Variants in EIF2AK2 observed in about 807,000 individuals in gnomAD.
EIF2AK2 encodes eukaryotic translation initiation factor 2 alpha kinase 2, also known as interferon-induced, double-stranded RNA-activated protein kinase.
In EIF2AK2, 40 loss-of-function variants were observed where a neutral mutation model predicts 70.5. The observed-to-expected ratio is 0.57, with a 90% confidence interval of 0.44 to 0.74. The LOEUF is 0.74. Ranked by LOEUF, EIF2AK2 falls within the 30% of genes least tolerant of loss-of-function variation. EIF2AK2 has a pLI of 0.00. For synonymous variants in EIF2AK2, 198 were observed against 220.9 expected, an observed-to-expected ratio of 0.90 and a Z score of 0.92; for missense variants, 555 against 644.3, an observed-to-expected ratio of 0.86 and a Z score of 1.50.
chr2:37,137,286 G>A (rs1215177016), intron 8 of EIF2AK2, among the ~76,000 whole-genome samples: 1 of 152,114 alleles, frequency 6.6e-6, no homozygotes, highest in African/African-American at 2.4e-5. Context: ...TTGCCCATTT[G>A]GGTATCTCTT....
rs377410593 is a variant in EIF2AK2, at chr2:37,107,531, G to GA, written c.1480-5dup. The GA allele has an allele frequency of 2.0e-4, 311 of 1,580,578 alleles. No homozygotes were observed. The highest frequency in any genetic ancestry group is 7.4e-4 in the South Asian group (64 of 86,762). ...CATCCCGTAGGTCTGTGAAAAACTG[G>GA]AAAAAAAAATGATAGGTGTATATTA... On this transcript the variant is annotated splice_polypyrimidine_tract_variant and splice_region_variant and intron_variant, in intron 15 of 16. Transcript: ENST00000233057.
intron 12 of EIF2AK2, among the ~76,000 whole-genome samples, chr2:37,120,374 G>C (rs974309431): frequency 6.6e-6 from 1 of 151,116 alleles, no homozygotes; most frequent in African/African-American, 2.4e-5. Context: ...GCGTGGTGGC[G>C]GGCGCCTGTA....
chr2:37,110,090 T>C (rs1402054555), intron 14 of EIF2AK2, among the ~76,000 whole-genome samples: 2 of 152,038 alleles, frequency 1.3e-5, no homozygotes, highest in African/African-American at 4.8e-5. Flanking sequence ...TTTTTTTTTT[T>C]TGAGACGGAG....
At chr2:37,145,567 A>G (rs1675503196) in intron 4 of EIF2AK2, among the ~76,000 whole-genome samples, 1 of 152,150 alleles carries the variant, frequency 6.6e-6, no homozygotes, top group Non-Finnish European at 1.5e-5. Context: ...AAATTTAAAT[A>G]AAATGAATGT....
At chr2:37,147,170 C>T (rs1270593214) in intron 3 of EIF2AK2, among the ~76,000 whole-genome samples, 197 bp from the exon 4 acceptor site, 1 of 152,210 alleles carries the variant, frequency 6.6e-6, no homozygotes, top group Non-Finnish European at 1.5e-5. Flanking sequence ...CCTCTTTTCT[C>T]TCTGGAGTCA....
chr2:37,111,878 A>AATATAT (rs869140054), intron 14 of EIF2AK2, among the ~76,000 whole-genome samples: 5 of 69,128 alleles, frequency 7.2e-5, no homozygotes, highest in East Asian at 5.1e-4. Flanking sequence ...AAAAAAAAAA[A>AATATAT]ATATATATAT....
At chr2:37,117,978 G>C (rs1674403736) in intron 13 of EIF2AK2, among the ~76,000 whole-genome samples, 1 of 152,192 alleles carries the variant, frequency 6.6e-6, no homozygotes, top group Admixed American at 6.5e-5. Flanking sequence ...AGTAGTGAGA[G>C]CCTGAAAAGT....
intron 12 of EIF2AK2, among the ~76,000 whole-genome samples, chr2:37,121,262 C>CAAAAAAAAAAAAAAAAAAAAAAA (rs70949733): frequency 2.7e-5 from 2 of 72,728 alleles, no homozygotes; most frequent in Non-Finnish European, 2.3e-5. Context: ...GACACCGTCT[C>CAAAAAAAAAAAAAAAAAAAAAAA]AAAAAAAAAA....
chr2:37,140,493 G>A (rs1675290973), intron 5 of EIF2AK2, among the ~76,000 whole-genome samples: 1 of 151,978 alleles, frequency 6.6e-6, no homozygotes, highest in Admixed American at 6.6e-5. Context: ...GGAAGCCATC[G>A]AGAGAAACAC....
chr2:37,114,313 G>A (rs532884925), intron 14 of EIF2AK2, among the ~76,000 whole-genome samples: 1 of 150,880 alleles, frequency 6.6e-6, no homozygotes, highest in Non-Finnish European at 1.5e-5. Flanking sequence ...AACAAAATAA[G>A]AACAACAACA....
chr2:37,115,231 T>G (rs911521995), intron 13 of EIF2AK2: 9 of 205,256 alleles, frequency 4.4e-5, no homozygotes, highest in Non-Finnish European at 7.6e-5. Context: ...TTTTTTTTTT[T>G]TTTTTTTTTT....
chr2:37,153,946 G>T (rs923058585), intron 1 of EIF2AK2, among the ~76,000 whole-genome samples: 1 of 152,196 alleles, frequency 6.6e-6, no homozygotes, highest in Non-Finnish European at 1.5e-5. Context: ...AGCAATGCAC[G>T]AGGGTTCTAA....
chr2:37,137,841 G>A lies in EIF2AK2; in HGVS notation c.687+429C>T, dbSNP rs563050598. 1.2e-4 allele frequency among the ~76,000 whole-genome samples: 19 copies of A among 152,230 alleles called. 1 individual carries two copies. In the South Asian group the frequency reaches 2.9e-3, roughly 23 times the overall value. On this transcript the variant is annotated intron_variant, in intron 8 of 16. Coordinates refer to ENST00000233057, the MANE Select transcript of EIF2AK2 (RefSeq NM_001135651.3). ...GTCAAAAAGCTGCCGAGCCGGGCGC[G>A]GTGGCTCATGCCTGTAATCCCAGCA... is the stretch of plus-strand genomic sequence containing the variant.
chr2:37,140,908 T>C (rs538132568), intron 5 of EIF2AK2, among the ~76,000 whole-genome samples: 29 of 152,326 alleles, frequency 1.9e-4, no homozygotes, highest in African/African-American at 6.7e-4. Flanking sequence ...TGGTTGTAGT[T>C]GAAAAACAAT....
chr2:37,103,081 G>A lies in EIF2AK2; in HGVS notation c.*4192C>T, dbSNP rs1673866086. The A allele has an allele frequency of 6.6e-6, 1 of 151,902 alleles. No individual in the cohort carries two copies. Among genetic ancestry groups the A allele is most frequent in the Non-Finnish European group, 1.5e-5 (1 of 67,992 alleles). The allele number at this position is 151,902 out of a possible 1,614,324, so 9.4% of individuals were successfully genotyped here. On this transcript the variant is annotated 3_prime_UTR_variant, in exon 17 of 17. Coordinates refer to ENST00000233057, the MANE Select transcript of EIF2AK2 (RefSeq NM_001135651.3). ...CTTGCCCCTGTCCTCCTCTGAGTAA[G>A]AGGATACTTTTTACTTTAATTTTGA...
intron 4 of EIF2AK2, among the ~76,000 whole-genome samples, chr2:37,145,742 C>CTTTTTTTTTTTTT (rs56051707): frequency 7.8e-5 from 4 of 51,198 alleles, no homozygotes; most frequent in African/African-American, 3.2e-4. Flanking sequence ...TTTTGCTTGT[C>CTTTTTTTTTTTTT]TTTTTTTTTT....
chr2:37,154,254 G>C (rs1285845658), intron 1 of EIF2AK2, among the ~76,000 whole-genome samples: 3 of 152,110 alleles, frequency 2.0e-5, no homozygotes, highest in Non-Finnish European at 4.4e-5. Context: ...GAACCCAGGA[G>C]GTGGAGGTTG....
At chr2:37,111,921 A>AGC (rs1674171702) in intron 14 of EIF2AK2, among the ~76,000 whole-genome samples, 1 of 107,812 alleles carries the variant, frequency 9.3e-6, no homozygotes, top group Non-Finnish European at 1.8e-5. Flanking sequence ...ATCATAATAA[A>AGC]TCTCTCTCTC....
chr2:37,150,607 C>G (rs1443739176), intron 1 of EIF2AK2, among the ~76,000 whole-genome samples: 1 of 152,148 alleles, frequency 6.6e-6, no homozygotes, highest in Admixed American at 6.6e-5. Context: ...CCGGGAACAA[C>G]ACAATGCTTG....
Sources: gnomAD v4.1 joint callset for allele counts (sites outside exome capture counted in the v4.1 genomes callset) on GRCh38, gnomAD v4.1.1 for gene constraint, MANE v1.5 for transcripts, NCBI Gene and HGNC (gene_info 2026-07-23, HGNC 2026-07-21) for gene names.